Variants in ALDH18A1 observed in about 807,000 individuals in gnomAD.
ALDH18A1 encodes delta-1-pyrroline-5-carboxylate synthase.
In ALDH18A1, 44 loss-of-function variants were observed where a neutral mutation model predicts 88.8. That is an observed-to-expected ratio of 0.50 (90% CI 0.39 to 0.64). ALDH18A1 has a LOEUF of 0.64. Ranked by LOEUF, ALDH18A1 falls within the 30% of genes least tolerant of loss-of-function variation. The probability of loss-of-function intolerance (pLI) is 0.00; values close to 1 mark genes in which losing one functional copy is unlikely to be tolerated. For missense variants in ALDH18A1, 782 were observed against 1,009.5 expected, an observed-to-expected ratio of 0.77 and a Z score of 3.05; for synonymous variants, 331 against 372.1, an observed-to-expected ratio of 0.89 and a Z score of 1.27.
chr10:95,625,368 C>A lies in ALDH18A1; in HGVS notation c.1240G>T (p.Ala414Ser). 3 of 1,613,994 alleles carry A rather than the reference C, an allele frequency of 1.9e-6. No homozygotes were observed. The highest frequency in any genetic ancestry group is 2.5e-6 in the Non-Finnish European group (3 of 1,179,884). ...LLANKKDLEE[A>S]EGRLAAPLLK... ...TAAATTGCCTGGTCTTTACCCTCTG[C>A]CTCCTCCAAGTCTTTTTTGTTGGCT... is the stretch of plus-strand genomic sequence containing the variant. Residue 414 changes from alanine (A) to serine (S), a missense_variant, in exon 11 of 18, where the codon GCA (alanine) becomes TCA (serine). Ala to Ser is a moderately conservative substitution (Grantham distance 99). Around this residue, in one of 3 missense-constraint regions of ALDH18A1, gnomAD observed 556 missense variants for 654.5 expected, o/e 0.85. Transcript: ENST00000371224.
intron 11 of ALDH18A1, among the ~76,000 whole-genome samples, chr10:95,623,599 CTT>C (rs1693284730): frequency 6.6e-6 from 1 of 151,022 alleles, no homozygotes; most frequent in Admixed American, 6.6e-5. Context: ...GAGTTTTGCT[CTT>C]GTTGTCCAGA....
chr10:95,633,555 A>G lies in ALDH18A1; in HGVS notation c.653T>C (p.Ile218Thr). The change falls in exon 6 of 18, where the codon ATT becomes ACT. Residue 218 changes from isoleucine to threonine, a missense_variant. Physicochemically the swap from Ile to Thr is moderately conservative, Grantham distance 89 (BLOSUM62 -1). Coordinates refer to ENST00000371224, the MANE Select transcript of ALDH18A1 (RefSeq NM_002860.4). ...GACAACAGCATCATTTGTGTTGACA[A>G]TGGGGACAATGTTCATTCTAAGGAG... ...HELLRMNIVP[I>T]VNTNDAVVPP... is the part of the protein sequence containing the mutation. 6.2e-7 allele frequency: 1 copy of G among 1,614,166 alleles called. No individual in the cohort carries two copies.
chr10:95,629,425 T>A (rs973879855), intron 7 of ALDH18A1, among the ~76,000 whole-genome samples: 1 of 152,182 alleles, frequency 6.6e-6, no homozygotes, highest in Non-Finnish European at 1.5e-5. Flanking sequence ...AGTAAGTGAA[T>A]CAGGGAAGTG....
At chr10:95,637,482 T>G in intron 3 of ALDH18A1, 46 bp from the exon 4 acceptor site, 1 of 1,608,230 alleles carries the variant, frequency 6.2e-7, no homozygotes, top group Non-Finnish European at 8.5e-7. Flanking sequence ...CCGTACTGTC[T>G]CTTTCATCTC....
intron 7 of ALDH18A1, 22 bp downstream of exon 7, chr10:95,632,937 G>T (rs1354461524): frequency 6.2e-7 from 1 of 1,602,286 alleles, no homozygotes; most frequent in East Asian, 2.2e-5. Flanking sequence ...GGCAGATAAA[G>T]GAAAAAAGCA....
At chr10:95,614,211 A>G (rs1170180478) in intron 13 of ALDH18A1, 50 bp from the exon 14 acceptor site, 4 of 1,568,774 alleles carry the variant, frequency 2.5e-6, no homozygotes, top group Non-Finnish European at 3.5e-6. Flanking sequence ...ACCACACAAA[A>G]TATAAAAACA....
At chr10:95,617,733 G>T (rs908758592) in intron 12 of ALDH18A1, among the ~76,000 whole-genome samples, 1 of 152,238 alleles carries the variant, frequency 6.6e-6, no homozygotes, top group Non-Finnish European at 1.5e-5. Flanking sequence ...TCCAGATGAG[G>T]AGCCTTAGCT....
intron 17 of ALDH18A1, among the ~76,000 whole-genome samples, chr10:95,609,794 G>A (rs2097829904): frequency 1.3e-5 from 1 of 79,380 alleles, no homozygotes; most frequent in Non-Finnish European, 2.6e-5. Flanking sequence ...TTGAGATGGT[G>A]TCTCACTCTG....
intron 11 of ALDH18A1, among the ~76,000 whole-genome samples, chr10:95,623,976 C>T (rs1300851657): frequency 6.6e-6 from 1 of 152,148 alleles, no homozygotes; most frequent in Non-Finnish European, 1.5e-5. Flanking sequence ...GCTGGGATTA[C>T]AGGCATGAGC....
rs150001817 is a variant in ALDH18A1 at position 95,632,435 on chromosome 10, A to T, written c.808+524T>A. 2.9e-3 allele frequency among the ~76,000 whole-genome samples: 447 copies of T among 152,324 alleles called. 1 individual carries two copies. The highest frequency in any genetic ancestry group is 5.0e-3 in the South Asian group (24 of 4,820). On this transcript the variant is annotated intron_variant, in intron 7 of 17. Coordinates refer to ENST00000371224, the MANE Select transcript of ALDH18A1 (RefSeq NM_002860.4). The stretch of plus-strand genomic sequence containing the variant: ...GGCTGGAGTGCAGTGGCACGATAAC[A>T]GCTCACTGCAGCCTGGAACTCCCAG...
At position 95,614,162 on chromosome 10, in the gene ALDH18A1, C is replaced by T; in HGVS notation, c.1606-1G>A. The T allele has an allele frequency of 6.2e-7, 1 of 1,613,904 alleles. No homozygotes were observed. Among genetic ancestry groups the T allele is most frequent in the African/African-American group, 1.3e-5 (1 of 75,034 alleles). Reference sequence around the variant, plus strand: ...CTTCAACTTCTTCTCTGGTATTCACCTTTAGAAGGAAAGAAGAAAAAGATA... The same window carrying T: ...CTTCAACTTCTTCTCTGGTATTCACTTTTAGAAGGAAAGAAGAAAAAGATA... On this transcript the variant is annotated splice_acceptor_variant, in intron 13 of 17. Transcript: ENST00000371224. LOFTEE classifies it high-confidence loss of function.
chr10:95,613,637 A>AAATT, intron 15 of ALDH18A1, 105 bp downstream of exon 15: 3 of 1,463,026 alleles, frequency 2.1e-6, no homozygotes, highest in Non-Finnish European at 2.9e-6. Flanking sequence ...GAAGATATTA[A>AAATT]AAAATATTGT....
chr10:95,637,014 T>C (rs904136058), intron 5 of ALDH18A1, 79 bp downstream of exon 5: 5 of 1,289,332 alleles, frequency 3.9e-6, no homozygotes, highest in South Asian at 1.2e-5. Context: ...CATATTCCAA[T>C]AGTCTGGCTC....
intron 15 of ALDH18A1, 62 bp from the exon 16 acceptor site, chr10:95,611,504 A>C: frequency 6.3e-7 from 1 of 1,578,354 alleles, no homozygotes; most frequent in Non-Finnish European, 8.7e-7. Context: ...AAGTTCTAGG[A>C]TAGAACAGAA....
chr10:95,610,531 T>G (rs1026921230), intron 16 of ALDH18A1, among the ~76,000 whole-genome samples: 3 of 152,160 alleles, frequency 2.0e-5, no homozygotes, highest in African/African-American at 7.2e-5. Flanking sequence ...CCCATGCAGG[T>G]GACCTGCCTA....
intron 16 of ALDH18A1, 108 bp downstream of exon 16, chr10:95,611,148 T>C (rs1027562342): frequency 1.1e-4 from 146 of 1,322,992 alleles, no homozygotes; most frequent in Middle Eastern, 2.6e-4. Flanking sequence ...AACATTACCA[T>C]AAGCCTACTC....
chr10:95,617,027 A>T (rs2097845327), intron 12 of ALDH18A1, among the ~76,000 whole-genome samples: 1 of 152,160 alleles, frequency 6.6e-6, no homozygotes, highest in Admixed American at 6.5e-5. Context: ...TGGGTGGATC[A>T]CCTGAGGTCA....
At chr10:95,614,434 G>A (rs1034052332) in intron 13 of ALDH18A1, among the ~76,000 whole-genome samples, 26 of 152,212 alleles carry the variant, frequency 1.7e-4, no homozygotes, top group African/African-American at 6.3e-4. Context: ...GCATCAAGTA[G>A]GGAAGGCAGC....
chr10:95,639,709 A>C (rs1029781986), intron 3 of ALDH18A1, among the ~76,000 whole-genome samples: 2 of 152,100 alleles, frequency 1.3e-5, no homozygotes, highest in Non-Finnish European at 2.9e-5. Flanking sequence ...ATTGAGATGC[A>C]AATTAAACCC....
Sources: allele counts gnomAD v4.1 joint callset (sites outside exome capture counted in the v4.1 genomes callset), GRCh38; gene constraint gnomAD v4.1.1; regional missense constraint gnomAD v4.1.1; transcripts MANE v1.5; gene names NCBI Gene and HGNC (gene_info 2026-07-23, HGNC 2026-07-21).